The following PARD3B variants were observed in gnomAD, a reference collection of about 807,000 sequenced individuals.
PARD3B encodes the protein partitioning defective 3 homolog B.
A neutral mutation model predicts 130.2 loss-of-function variants in PARD3B; 103 were observed. The observed-to-expected ratio is 0.79, with a 90% CI of 0.67 to 0.93. PARD3B has a LOEUF of 0.93. PARD3B is among the 40% of genes least tolerant of loss of function. PARD3B has a pLI of 0.00. For missense variants in PARD3B, 1,609 were observed against 1,499.2 expected, an observed-to-expected ratio of 1.07 and a Z score of -1.21; for synonymous variants, 583 against 553.2, an observed-to-expected ratio of 1.05 and a Z score of -0.76.
At chr2:205,559,302 G>A (rs1559216769) in intron 22 of PARD3B, among the ~76,000 whole-genome samples, 1 of 152,026 alleles carries the variant, frequency 6.6e-6, no homozygotes. Flanking sequence ...GCACCACGAT[G>A]CCCAGCTAAA....
In PARD3B at chr2:205,208,866, C is replaced by T. The variant is rs868476505; in HGVS notation, c.2140+15546C>T. ...CCTTTCTTCACAGAATTGGAAAAAA[C>T]TACTTTAAAGTTCATATGGAACCAA... On this transcript the variant is annotated intron_variant, in intron 15 of 22. Transcript: ENST00000406610. Among the ~76,000 whole-genome samples the T allele has an allele frequency of 1.5e-4, 21 of 142,038 alleles. 1 individual carries two copies. The highest frequency in any genetic ancestry group is 3.5e-3 in the Middle Eastern group (1 of 284). The allele number at this position is 142,038 out of a possible 152,430, so 93.2% of individuals were successfully genotyped here. A position where few individuals can be genotyped will look rare whatever the true frequency, so the allele number is the denominator to read the frequency against.
intron 2 of PARD3B, among the ~76,000 whole-genome samples, chr2:204,913,998 G>C (rs2047347098): frequency 1.3e-5 from 2 of 152,136 alleles, no homozygotes; most frequent in Non-Finnish European, 2.9e-5. Flanking sequence ...CCTCAGTAAG[G>C]GTCAGTTGTT....
intron 2 of PARD3B, among the ~76,000 whole-genome samples, chr2:204,852,418 G>A (rs2044745013): frequency 6.6e-6 from 1 of 152,136 alleles, no homozygotes; most frequent in Admixed American, 6.5e-5. Flanking sequence ...GCATATGACT[G>A]TGTATTTCCT....
chr2:205,135,064 A>T (rs1371233850), intron 10 of PARD3B, among the ~76,000 whole-genome samples: 2 of 152,194 alleles, frequency 1.3e-5, no homozygotes, highest in East Asian at 3.8e-4. Context: ...ATTAGTGGCG[A>T]CTGTGGCTAT....
intron 21 of PARD3B, among the ~76,000 whole-genome samples, chr2:205,543,521 A>G (rs2052256559): frequency 6.6e-6 from 1 of 152,170 alleles, no homozygotes; most frequent in African/African-American, 2.4e-5. Flanking sequence ...TTCTTCATTT[A>G]GGAAACAGAG....
chr2:205,227,289 A>C (rs2125886018), intron 15 of PARD3B, among the ~76,000 whole-genome samples: 1 of 152,290 alleles, frequency 6.6e-6, no homozygotes, highest in Non-Finnish European at 1.5e-5. Context: ...TGAAGTCTCC[A>C]GCCATTATTG....
chr2:205,567,313 T>G (rs1035019577), intron 22 of PARD3B, among the ~76,000 whole-genome samples: 1 of 116,518 alleles, frequency 8.6e-6, no homozygotes, highest in African/African-American at 3.3e-5. Flanking sequence ...TGTTTTTTTT[T>G]TTTTTTTTTT....
chr2:205,605,637 C>T (rs1306889591), intron 22 of PARD3B, among the ~76,000 whole-genome samples: 1 of 152,012 alleles, frequency 6.6e-6, no homozygotes, highest in Non-Finnish European at 1.5e-5. Context: ...GGATCTCTGT[C>T]CCAGAGGGGC....
At chr2:205,052,437 A>ATATATATATATATG (rs1699274238) in intron 4 of PARD3B, among the ~76,000 whole-genome samples, 1 of 32,600 alleles carries the variant, frequency 3.1e-5, no homozygotes, top group Non-Finnish European at 6.2e-5. Context: ...ATATATATAT[A>ATATATATATATATG]TATATATATA....
chr2:205,088,777 A>G (rs893188469), intron 4 of PARD3B, among the ~76,000 whole-genome samples: 1 of 147,898 alleles, frequency 6.8e-6, no homozygotes, highest in Non-Finnish European at 1.5e-5. Context: ...AAGTATATAG[A>G]ATGGTGCAAC....
chr2:205,377,763 A>ATT (rs3048124), intron 18 of PARD3B, among the ~76,000 whole-genome samples: 19,314 of 116,140 alleles, frequency 0.17, 2,038 homozygotes, highest in African/African-American at 0.3. Context: ...GTGTAATCCA[A>ATT]TTTTTTTTTT....
intron 10 of PARD3B, among the ~76,000 whole-genome samples, chr2:205,145,599 G>A (rs2033294592): frequency 6.6e-6 from 1 of 152,100 alleles, no homozygotes. Context: ...GACCTTGCTG[G>A]TGACCTACAA....
At chr2:205,238,838 A>AG (rs2039189546) in intron 15 of PARD3B, among the ~76,000 whole-genome samples, 1 of 77,714 alleles carries the variant, frequency 1.3e-5, no homozygotes, top group African/African-American at 6.1e-5. Flanking sequence ...TCCGTTTCAA[A>AG]AAAAAAAAAA....
chr2:205,564,369 C>A lies in PARD3B; in HGVS notation c.3260+10966C>A, dbSNP rs1196380112. On this transcript the variant is annotated intron_variant, in intron 22 of 22. Transcript: ENST00000406610. The surrounding 1 kb of genome is among the most constrained non-coding windows in gnomAD (Gnocchi z 4.6). ...TCAGAATGACTAAGAACAGCAACCA[C>A]TGAATCACAGAACTCCTCTTAGCAA... Among the ~76,000 whole-genome samples, 1 of 152,200 alleles carries A rather than the reference C, an allele frequency of 6.6e-6. No individual in the cohort carries two copies. Among genetic ancestry groups the A allele is most frequent in the Non-Finnish European group, 1.5e-5 (1 of 68,040 alleles).
chr2:204,936,111 T>C (rs1688432871), intron 2 of PARD3B, among the ~76,000 whole-genome samples: 1 of 152,200 alleles, frequency 6.6e-6, no homozygotes, highest in African/African-American at 2.4e-5. Flanking sequence ...GGAGAGCACT[T>C]TTGGGCTGTT....
intron 2 of PARD3B, among the ~76,000 whole-genome samples, chr2:204,705,883 T>A (rs2038119042): frequency 6.6e-6 from 1 of 152,186 alleles, no homozygotes; most frequent in Admixed American, 6.5e-5. Context: ...ATCTCCATCC[T>A]TCTTCCATCT....
intron 18 of PARD3B, among the ~76,000 whole-genome samples, chr2:205,369,155 C>T (rs1332522408): frequency 1.3e-5 from 2 of 152,176 alleles, no homozygotes; most frequent in African/African-American, 4.8e-5. Context: ...GAATGTGCAA[C>T]TATCTACTCT....
chr2:204,608,944 G>A (rs2033827573), intron 1 of PARD3B, among the ~76,000 whole-genome samples: 1 of 152,164 alleles, frequency 6.6e-6, no homozygotes, highest in Non-Finnish European at 1.5e-5. Flanking sequence ...TTGTCTCCCT[G>A]TAGCATAAAT....
At chr2:205,303,082 T>TAA (rs143229334) in intron 18 of PARD3B, among the ~76,000 whole-genome samples, 5 of 147,080 alleles carry the variant, frequency 3.4e-5, no homozygotes, top group African/African-American at 1.2e-4. Flanking sequence ...CACTTTTGGG[T>TAA]AAAAAAAAAA....
Sources: gnomAD v4.1 joint callset for allele counts (sites outside exome capture counted in the v4.1 genomes callset) on GRCh38, gnomAD v4.1.1 for gene constraint, Gnocchi (gnomAD v3.1) non-coding constraint, MANE v1.5 for transcripts, NCBI Gene and HGNC (gene_info 2026-07-23, HGNC 2026-07-21) for gene names.